The following MYO9B variants were observed in gnomAD, a reference collection of about 807,000 sequenced individuals.
The protein encoded by MYO9B is unconventional myosin-IXb.
Under a neutral mutation model 229.5 loss-of-function variants are expected in MYO9B, and 71 were observed. That is an observed-to-expected ratio of 0.31 (90% confidence interval 0.26 to 0.38). The LOEUF (loss-of-function observed/expected upper bound fraction) is 0.38, where lower values mean the gene tolerates loss of function less well. Ranked by LOEUF, MYO9B falls within the 10% of genes least tolerant of loss-of-function variation. The pLI, the probability that MYO9B is intolerant of heterozygous loss-of-function variation, is 1.00. For synonymous variants in MYO9B, 1,185 were observed against 1,235.8 expected, an observed-to-expected ratio of 0.96 and a Z score of 0.86; for missense variants, 2,255 against 2,920.5, an observed-to-expected ratio of 0.77 and a Z score of 5.25.
chr19:17,108,396 G>A (rs2057813750), intron 2 of MYO9B, among the ~76,000 whole-genome samples: 1 of 152,180 alleles, frequency 6.6e-6, no homozygotes, highest in Non-Finnish European at 1.5e-5. Context: ...TGACATTCAG[G>A]GCCGGATCGT....
intron 1 of MYO9B, among the ~76,000 whole-genome samples, chr19:17,077,105 G>T (rs1028508620): frequency 6.6e-6 from 1 of 152,180 alleles, no homozygotes; most frequent in African/African-American, 2.4e-5. Context: ...AGGTGTCCAG[G>T]AGCAGCCGGA....
In MYO9B at chr19:17,101,220, A is replaced by G. The variant is rs576876391; in HGVS notation, c.-58-440A>G. Among the ~76,000 whole-genome samples, 2 of 151,892 alleles carry G rather than the reference A, an allele frequency of 1.3e-5. No individual in the cohort carries two copies. The highest frequency in any genetic ancestry group is 2.9e-5 in the Non-Finnish European group (2 of 67,940). On this transcript the variant is annotated intron_variant, in intron 1 of 39. Transcript: ENST00000682292. This position sits in a 1 kb window ranked among gnomAD's most constrained non-coding sequence, Gnocchi z 4.7. ...GTGACAGGGTCTCTCTCTCTCACCC[A>G]GGCTGGAGCACAGCTGGTATAATCA...
intron 2 of MYO9B, among the ~76,000 whole-genome samples, chr19:17,113,456 A>T (rs536179482): frequency 6.6e-6 from 1 of 152,306 alleles, no homozygotes; most frequent in Non-Finnish European, 1.5e-5. Flanking sequence ...TCGCCCTGCG[A>T]GCGGTCAAGA....
chr19:17,099,759 A>G (rs1338127026), intron 1 of MYO9B, among the ~76,000 whole-genome samples: 1 of 146,290 alleles, frequency 6.8e-6, no homozygotes, highest in Non-Finnish European at 1.5e-5. Flanking sequence ...CGGAGCTTGC[A>G]GTGAGCCAAG....
intron 7 of MYO9B, 56 bp from the exon 8 acceptor site, chr19:17,159,339 G>C (rs186479210): frequency 6.8e-7 from 1 of 1,470,678 alleles, no homozygotes; most frequent in African/African-American, 1.4e-5. Flanking sequence ...ACCAGGACAT[G>C]CCTGATAAGT....
At chr19:17,086,628 C>G (rs2057586014) in intron 1 of MYO9B, among the ~76,000 whole-genome samples, 2 of 152,192 alleles carry the variant, frequency 1.3e-5, no homozygotes. Flanking sequence ...GCCTGTAATT[C>G]TAACACTTTG....
In MYO9B at chr19:17,154,318, A is replaced by G. The variant is rs765839051; in HGVS notation, c.1102A>G (p.Asn368Asp). The change falls in exon 6 of 40, where the codon AAC becomes GAC. Residue 368 changes from asparagine (N) to aspartate (D), a missense_variant. This residue lies in a region of MYO9B where 386 missense variants were observed against 515.2 expected (regional missense o/e 0.75). Coordinates refer to ENST00000682292, the MANE Select transcript of MYO9B (RefSeq NM_004145.4). ...PEDYFYLNQHNLKIEDGEDLK... is the reference protein window; with the variant it reads ...PEDYFYLNQHDLKIEDGEDLK... ...TACCCATGCCTTTGTTTTCCAGCAT[A>G]ACTTGAAGATTGAAGATGGGGAGGA... 6.2e-7 allele frequency: 1 copy of G among 1,611,044 alleles called. No individual in the cohort carries two copies. Among genetic ancestry groups the G allele is most frequent in the Non-Finnish European group, 8.5e-7 (1 of 1,177,668 alleles).
chr19:17,154,868 G>A (rs2072520388), intron 6 of MYO9B, among the ~76,000 whole-genome samples: 1 of 152,032 alleles, frequency 6.6e-6, no homozygotes, highest in African/African-American at 2.4e-5. Context: ...GGGCTGAGGT[G>A]GGAGGATCAC....
In MYO9B at chr19:17,101,041, A is replaced by G. The variant is rs547111600; in HGVS notation, c.-58-619A>G. Among the ~76,000 whole-genome samples the G allele has an allele frequency of 6.7e-6, 1 of 150,016 alleles. No individual in the cohort carries two copies. Among genetic ancestry groups the G allele is most frequent in the East Asian group, 2.0e-4 (1 of 4,964 alleles). On this transcript the variant is annotated intron_variant, in intron 1 of 39. Transcript: ENST00000682292. The surrounding 1 kb of genome is among the most constrained non-coding windows in gnomAD (Gnocchi z 4.7). Reference sequence around the variant, plus strand: ...GGATGTGGGCTGGGAAGGGCATAGCAGAAAGAGGGTCATGGCTTGTTGGGC... The same window carrying G: ...GGATGTGGGCTGGGAAGGGCATAGCGGAAAGAGGGTCATGGCTTGTTGGGC...
intron 8 of MYO9B, among the ~76,000 whole-genome samples, chr19:17,161,264 G>A (rs1284479308): frequency 6.6e-6 from 1 of 152,096 alleles, no homozygotes; most frequent in Non-Finnish European, 1.5e-5. Flanking sequence ...TTGCTCTGAG[G>A]AGCGTATGGA....
rs151050717 is a variant in MYO9B, at chr19:17,194,723, C to G, written c.3296C>G (p.Ser1099Trp). 55 of 1,612,886 alleles carry G rather than the reference C, an allele frequency of 3.4e-5. No individual in the cohort carries two copies. In the African/African-American group the frequency reaches 6.5e-4, roughly 19 times the overall value. ...GCGGAGGATGGCGGGCACCTGGCAT[C>G]GGAGCCTGAGGTGCAGCCAAGTGAC... ...EPAEDGGHLA[S>W]EPEVQPSDRS... Residue 1099 changes from serine (S) to tryptophan (W), a missense_variant, in exon 22 of 40, where the codon TCG (serine) becomes TGG (tryptophan). Coordinates refer to ENST00000682292, the MANE Select transcript of MYO9B (RefSeq NM_004145.4).
At chr19:17,186,917 G>A (rs147219592) in intron 18 of MYO9B, among the ~76,000 whole-genome samples, 1,656 of 151,926 alleles carry the variant, frequency 0.011, 24 homozygotes, top group African/African-American at 0.037. Flanking sequence ...TAGTAGAGAC[G>A]GGGTTTCACC....
At chr19:17,174,470 A>G (rs112428666) in intron 13 of MYO9B, among the ~76,000 whole-genome samples, 9,548 of 151,784 alleles carry the variant, frequency 0.063, 391 homozygotes, top group Non-Finnish European at 0.094. Context: ...GCCCATCTCT[A>G]CTAAAAATGC....
At chr19:17,178,988 A>G (rs1237951827) in intron 14 of MYO9B, among the ~76,000 whole-genome samples, 2 of 148,568 alleles carry the variant, frequency 1.3e-5, no homozygotes, top group Middle Eastern at 3.5e-3. Flanking sequence ...CCGAGATCAC[A>G]CCACTGCACT....
At chr19:17,203,375 G>GA in intron 30 of MYO9B, 117 bp downstream of exon 30, 1 of 713,422 alleles carries the variant, frequency 1.4e-6, no homozygotes, top group Non-Finnish European at 2.3e-6. Context: ...AGCACTTTGG[G>GA]AGGCCGAGGC....
intron 1 of MYO9B, among the ~76,000 whole-genome samples, chr19:17,094,181 A>G (rs2057666973): frequency 6.6e-6 from 1 of 152,070 alleles, no homozygotes; most frequent in African/African-American, 2.4e-5. Flanking sequence ...GATTACAGGC[A>G]TGCGCCACCA....
intron 19 of MYO9B, among the ~76,000 whole-genome samples, chr19:17,189,465 G>A (rs369729942): frequency 1.6e-4 from 24 of 150,706 alleles, no homozygotes; most frequent in African/African-American, 5.4e-4. Context: ...GTGAAACCCC[G>A]TCTCCACATA....
In MYO9B at chr19:17,205,321, C is replaced by T. The variant is rs781022187; in HGVS notation, c.5049C>T (p.Tyr1683=). The change falls in exon 31 of 40, where the codon TAC becomes TAT. Residue 1683 remains tyrosine, a synonymous_variant. Transcript: ENST00000682292. ...ACAAGATTCAGAGCCACTGCTCCTA[C>T]ACCTACGGGAGGAAGGTGAGTGTAC... is the stretch of plus-strand genomic sequence containing the variant. ...CVHKIQSHCS[Y]TYGRKGEPGV... 1.3e-5 allele frequency: 21 copies of T among 1,613,680 alleles called. No homozygotes were observed. The highest frequency in any genetic ancestry group is 1.7e-5 in the Non-Finnish European group (20 of 1,179,776).
rs1313876703 is a variant in MYO9B, at chr19:17,189,321, T to A, written c.2688+1276T>A. Among the ~76,000 whole-genome samples the A allele has an allele frequency of 3.3e-3, 497 of 151,774 alleles. 3 individuals are homozygous for A. The highest frequency in any genetic ancestry group is 0.021 in the Middle Eastern group (6 of 290). ...CAGCCTGGATGGCAGAGCAAGACCC[T>A]GTCTTAAAACAAAACAAAACAAAAC... On this transcript the variant is annotated intron_variant, in intron 19 of 39. Transcript: ENST00000682292.
Sources: allele counts gnomAD v4.1 joint callset (sites outside exome capture counted in the v4.1 genomes callset), GRCh38; gene constraint gnomAD v4.1.1; regional missense constraint gnomAD v4.1.1; non-coding constraint Gnocchi (gnomAD v3.1); transcripts MANE v1.5; gene names NCBI Gene and HGNC (gene_info 2026-07-23, HGNC 2026-07-21).